Variants in PCSK6 observed in about 807,000 individuals in gnomAD.
PCSK6 encodes proprotein convertase subtilisin/kexin type 6, also known as paired basic amino acid cleaving enzyme 4.
In PCSK6, 85 loss-of-function variants were observed where a neutral mutation model predicts 123.3. That is an observed-to-expected ratio of 0.69 (90% CI 0.58 to 0.83). The LOEUF is 0.83. Ranked by LOEUF, PCSK6 falls within the 40% of genes least tolerant of loss-of-function variation. The pLI, the probability that PCSK6 is intolerant of heterozygous loss-of-function variation, is 0.00. For synonymous variants in PCSK6, 508 were observed against 516.0 expected (o/e 0.98, Z 0.21); for missense variants, 1,191 against 1,282.3 (o/e 0.93, Z 1.09).
rs764090612 is a variant in PCSK6 at position 101,398,595 on chromosome 15, C to G, written c.824-19G>C. The G allele has an allele frequency of 6.3e-7, 1 of 1,598,186 alleles. No individual in the cohort carries two copies. Reference sequence around the variant, plus strand: ...CGGATGCCTGAAAGCACAGAGGAGGCTCGGTGTCGGCGCCCAGGCTCCGGG... The same window carrying G: ...CGGATGCCTGAAAGCACAGAGGAGGGTCGGTGTCGGCGCCCAGGCTCCGGG... On this transcript the variant is annotated intron_variant, in intron 6 of 21. Transcript: ENST00000611716. The surrounding 1 kb of genome is among the most constrained non-coding windows in gnomAD (Gnocchi z 4.6).
chr15:101,473,168 C>G (rs2141241675), intron 1 of PCSK6, among the ~76,000 whole-genome samples: 1 of 152,148 alleles, frequency 6.6e-6, no homozygotes, highest in Middle Eastern at 3.4e-3. Flanking sequence ...CCCTGACCTC[C>G]CAGGCTCAAG....
chr15:101,453,215 A>G (rs909963297), intron 1 of PCSK6, among the ~76,000 whole-genome samples: 4 of 152,176 alleles, frequency 2.6e-5, no homozygotes, highest in African/African-American at 9.7e-5. Flanking sequence ...TGTAAAAGAG[A>G]CAGAAAATGA....
intron 18 of PCSK6, among the ~76,000 whole-genome samples, chr15:101,321,462 G>A (rs1026113273): frequency 6.6e-6 from 1 of 152,228 alleles, no homozygotes; most frequent in African/African-American, 2.4e-5. Flanking sequence ...CATCTCCCCT[G>A]TTTGTAAAAT....
chr15:101,424,512 G>A (rs952541324), intron 6 of PCSK6, among the ~76,000 whole-genome samples: 1 of 152,202 alleles, frequency 6.6e-6, no homozygotes, highest in Non-Finnish European at 1.5e-5. Flanking sequence ...AAAGAGGTGA[G>A]AGATAACCTC....
At chr15:101,461,243 T>C (rs1173409146) in intron 1 of PCSK6, among the ~76,000 whole-genome samples, 1 of 152,122 alleles carries the variant, frequency 6.6e-6, no homozygotes, top group Non-Finnish European at 1.5e-5. Flanking sequence ...GCCGTTACAC[T>C]CATAATTCTG....
In PCSK6 at chr15:101,370,515, G is replaced by C; in HGVS notation, c.1541C>G (p.Pro514Arg). 6.7e-7 allele frequency: 1 copy of C among 1,499,226 alleles called. No homozygotes were observed. Among genetic ancestry groups the C allele is most frequent in the African/African-American group, 1.4e-5 (1 of 71,678 alleles). 92.9% of individuals were successfully genotyped at this position (1,499,226 alleles called of 1,614,324 possible). The stretch of plus-strand genomic sequence containing the variant: ...CGTAGTCCGCAGCACCTGCACTAAG[G>C]GGATGCTCCTGGGGGAGAAGGGAGG... Reference protein sequence around the residue: ...AASDKRPRSIPLVQVLRTTAL... With the variant: ...AASDKRPRSIRLVQVLRTTAL... Residue 514 changes from proline to arginine, a missense_variant, in exon 12 of 22, where the codon CCC becomes CGC. Around this residue, in one of 3 missense-constraint regions of PCSK6, gnomAD observed 630 missense variants for 631.4 expected, o/e 1.00. Coordinates refer to ENST00000611716, the MANE Select transcript of PCSK6 (RefSeq NM_002570.5).
intron 13 of PCSK6, chr15:101,347,878 G>T: frequency 1.2e-6 from 1 of 837,872 alleles, no homozygotes; most frequent in Non-Finnish European, 2.0e-6. Flanking sequence ...GGAAGCGCCC[G>T]GGGTTGACAA....
intron 13 of PCSK6, among the ~76,000 whole-genome samples, chr15:101,359,921 G>A (rs960870931): frequency 6.6e-6 from 1 of 152,170 alleles, no homozygotes; most frequent in African/African-American, 2.4e-5. Context: ...ACATATCTCT[G>A]CCTGGACTTG....
At chr15:101,370,709 C>T (rs1261148916) in intron 11 of PCSK6, among the ~76,000 whole-genome samples, 186 bp from the exon 12 acceptor site, 3 of 152,276 alleles carry the variant, frequency 2.0e-5, no homozygotes, top group African/African-American at 4.8e-5. Flanking sequence ...ATCACCTGTC[C>T]TGAAGACGTT....
At chr15:101,358,179 G>A (rs1176990185) in intron 13 of PCSK6, among the ~76,000 whole-genome samples, 2 of 152,212 alleles carry the variant, frequency 1.3e-5, no homozygotes, top group Admixed American at 6.5e-5. Context: ...TCTCACCCCT[G>A]GGGGTAGGCG....
intron 1 of PCSK6, among the ~76,000 whole-genome samples, chr15:101,478,454 T>G (rs1421898715): frequency 6.6e-6 from 1 of 152,136 alleles, no homozygotes. Flanking sequence ...CAGGACAGGC[T>G]CCACCAAGGC....
intron 18 of PCSK6, among the ~76,000 whole-genome samples, chr15:101,321,858 T>A (rs763976380): frequency 6.6e-6 from 1 of 152,202 alleles, no homozygotes; most frequent in Non-Finnish European, 1.5e-5. Context: ...TATGGGAGTG[T>A]CCCCCAAAAA....
At chr15:101,454,610 T>A (rs1044721895) in intron 1 of PCSK6, among the ~76,000 whole-genome samples, 10 of 151,898 alleles carry the variant, frequency 6.6e-5, no homozygotes, top group African/African-American at 2.4e-4. Context: ...CCAGGGGCTG[T>A]GGGGGAGGGA....
intron 6 of PCSK6, among the ~76,000 whole-genome samples, chr15:101,420,702 A>G (rs989864938): frequency 6.6e-6 from 1 of 152,220 alleles, no homozygotes; most frequent in Non-Finnish European, 1.5e-5. Flanking sequence ...AAAATTATAT[A>G]TGAAAAGGGG....
chr15:101,428,888 G>A (rs1190629249), intron 5 of PCSK6, among the ~76,000 whole-genome samples: 4 of 152,164 alleles, frequency 2.6e-5, no homozygotes, highest in Non-Finnish European at 4.4e-5. Context: ...CCCTTCAAGG[G>A]TCACTGCGTG....
At chr15:101,348,098 C>T (rs2040785138) in intron 13 of PCSK6, among the ~76,000 whole-genome samples, 1 of 152,224 alleles carries the variant, frequency 6.6e-6, no homozygotes, top group Admixed American at 6.5e-5. Context: ...CTGGGGAGGC[C>T]TGATACCAAG....
chr15:101,450,681 C>A (rs2057011275), intron 1 of PCSK6, among the ~76,000 whole-genome samples: 2 of 152,190 alleles, frequency 1.3e-5, no homozygotes, highest in Non-Finnish European at 2.9e-5. Flanking sequence ...GTCCAGCTGT[C>A]CAGTGAGGCC....
chr15:101,428,872 A>G (rs1247698101), intron 5 of PCSK6, among the ~76,000 whole-genome samples: 1 of 152,164 alleles, frequency 6.6e-6, no homozygotes, highest in Non-Finnish European at 1.5e-5. Context: ...ATGGGATTGA[A>G]TCCTGCCCTT....
In PCSK6 at chr15:101,305,308, G is replaced by T. The variant is rs374710045; in HGVS notation, c.2860C>A (p.Arg954=). 2.5e-6 allele frequency: 4 copies of T among 1,612,742 alleles called. No individual in the cohort carries two copies. The African/African-American group carries it at 5.3e-5, about 22-fold the overall frequency. ...CAGCAGAACTGAATGAAGAGCTTCCGTTCGCACAGCCGGTTGGACTTCACC... is the reference window on the plus strand; with the variant it reads ...CAGCAGAACTGAATGAAGAGCTTCCTTTCGCACAGCCGGTTGGACTTCACC... ...EMVKSNRLCE[R]KLFIQFCCRT... is the part of the protein sequence containing the mutation. Residue 954 remains arginine (R), a synonymous_variant, in exon 22 of 22, where the codon CGG becomes AGG. Coordinates refer to ENST00000611716, the MANE Select transcript of PCSK6 (RefSeq NM_002570.5). This position sits in a 1 kb window ranked among gnomAD's most constrained non-coding sequence, Gnocchi z 4.8.
Sources: gnomAD v4.1 joint callset for allele counts (sites outside exome capture counted in the v4.1 genomes callset) on GRCh38, gnomAD v4.1.1 for gene constraint, gnomAD v4.1.1 regional missense constraint, Gnocchi (gnomAD v3.1) non-coding constraint, MANE v1.5 for transcripts, NCBI Gene and HGNC (gene_info 2026-07-23, HGNC 2026-07-21) for gene names.